Variants in COMT observed in about 807,000 individuals in gnomAD.
The protein encoded by COMT is catechol-O-methyltransferase, also known as catechol O-methyltransferase.
Under a neutral mutation model 18.9 loss-of-function variants are expected in COMT, and 13 were observed. The ratio of observed to expected loss-of-function variants is 0.69; its 90% CI spans 0.45 to 1.09. The LOEUF is 1.09. Among genes scored for constraint, COMT ranks in the 50% least tolerant of loss-of-function variants. The probability of loss-of-function intolerance (pLI) is 0.00; values close to 1 mark genes in which losing one functional copy is unlikely to be tolerated. For missense variants in COMT, 329 were observed against 361.8 expected (o/e 0.91, Z 0.73); for synonymous variants, 150 against 160.9 (o/e 0.93, Z 0.51).
At chr22:19,955,282 G>T (rs1220844433) in intron 1 of COMT, among the ~76,000 whole-genome samples, 1 of 152,110 alleles carries the variant, frequency 6.6e-6, no homozygotes. Context: ...CCTGGCTGCA[G>T]CCTGTGGGGT....
At chr22:19,952,883 G>A (rs963803632) in intron 1 of COMT, among the ~76,000 whole-genome samples, 29 of 151,654 alleles carry the variant, frequency 1.9e-4, no homozygotes, top group South Asian at 1.3e-3. Flanking sequence ...CCCAGGAGGC[G>A]GAGGTTGCAG....
At chr22:19,949,666 G>A (rs1456587117) in intron 1 of COMT, among the ~76,000 whole-genome samples, 1 of 151,596 alleles carries the variant, frequency 6.6e-6, no homozygotes, top group African/African-American at 2.4e-5. Flanking sequence ...GGCACAATCA[G>A]GACTCACTGC....
At chr22:19,959,026 G>T (rs1471278748) in intron 1 of COMT, among the ~76,000 whole-genome samples, 1 of 152,190 alleles carries the variant, frequency 6.6e-6, no homozygotes, top group Non-Finnish European at 1.5e-5. Flanking sequence ...TGTAAGGTAA[G>T]GGGGGACTCT....
chr22:19,948,945 ACT>A, intron 1 of COMT, among the ~76,000 whole-genome samples: 1 of 121,150 alleles, frequency 8.3e-6, no homozygotes, highest in Non-Finnish European at 1.7e-5. Flanking sequence ...ACAGAGCGAG[ACT>A]CTGTCTCAAA....
Position 19,968,441 on chromosome 22 carries a change from TGCCGTG to T in COMT, c.616-91_616-86del, listed in dbSNP as rs1321534160. Reference sequence around the variant, plus strand: ...CCCCAGGGGCTAGGCACAGGCGTGGTGCCGTGGCCTAGTGAGGAGCACCCATCCTGG... The same window carrying T: ...CCCCAGGGGCTAGGCACAGGCGTGGTGCCTAGTGAGGAGCACCCATCCTGG... On this transcript the variant is annotated intron_variant, in intron 5 of 5. Transcript: ENST00000361682. The T allele has an allele frequency of 3.8e-5, 46 of 1,208,064 alleles. 1 individual carries two copies. Among genetic ancestry groups the T allele is most frequent in the South Asian group, 5.2e-5 (4 of 77,570 alleles). The allele number at this position is 1,208,064 out of a possible 1,614,324, so 74.8% of individuals were successfully genotyped here. A position where few individuals can be genotyped will look rare whatever the true frequency, so the allele number is the denominator to read the frequency against.
intron 1 of COMT, among the ~76,000 whole-genome samples, chr22:19,954,546 G>A (rs145133053): frequency 8.7e-4 from 133 of 152,234 alleles, no homozygotes; most frequent in Non-Finnish European, 1.4e-3. Flanking sequence ...TCCACCTCCC[G>A]AGTTCTAGCG....
chr22:19,955,496 A>C (rs1239909124), intron 1 of COMT, among the ~76,000 whole-genome samples: 1 of 152,250 alleles, frequency 6.6e-6, no homozygotes, highest in African/African-American at 2.4e-5. Context: ...TTCTTGCAGC[A>C]GTTCCAGCCT....
At chr22:19,963,042 C>T (rs746902559) in intron 3 of COMT, among the ~76,000 whole-genome samples, 3 of 152,154 alleles carry the variant, frequency 2.0e-5, no homozygotes, top group Non-Finnish European at 4.4e-5. Flanking sequence ...CCCCCACACT[C>T]ACAGGGTCTG....
intron 1 of COMT, among the ~76,000 whole-genome samples, chr22:19,944,207 C>T (rs190541104): frequency 3.0e-4 from 45 of 152,216 alleles, no homozygotes; most frequent in African/African-American, 9.9e-4. Context: ...TAAGGGCTGA[C>T]GTGTAGGAAG....
intron 1 of COMT, among the ~76,000 whole-genome samples, chr22:19,956,806 G>A (rs1039686099): frequency 6.6e-6 from 1 of 152,126 alleles, no homozygotes; most frequent in African/African-American, 2.4e-5. Flanking sequence ...GAACGCCTGG[G>A]CTCAAGTGAT....
chr22:19,968,978 C>A lies in COMT; in HGVS notation c.*242C>A, dbSNP rs1289399792. The A allele has an allele frequency of 4.6e-6, 2 of 430,900 alleles. No homozygotes were observed. The highest frequency in any genetic ancestry group is 4.2e-5 in the East Asian group (1 of 23,812). 26.7% of individuals were successfully genotyped at this position (430,900 alleles called of 1,614,324 possible). ...GCTATATTATCTTATATACTAATAT[C>A]ATGTTTTAAAAATATAAAATAGAAA... On this transcript the variant is annotated 3_prime_UTR_variant, in exon 6 of 6. Coordinates refer to ENST00000361682, the MANE Select transcript of COMT (RefSeq NM_000754.4).
In COMT at chr22:19,968,946, C is replaced by G. The variant is rs145166266; in HGVS notation, c.*210C>G. ...CTCAATCATGACTTCTTTACTAACA[C>G]TGGCTAGCTATATTATCTTATATAC... is the stretch of plus-strand genomic sequence containing the variant. On this transcript the variant is annotated 3_prime_UTR_variant, in exon 6 of 6. Transcript: ENST00000361682. The G allele has an allele frequency of 8.3e-5, 48 of 577,118 alleles. No individual in the cohort carries two copies. The East Asian group carries it at 1.4e-3, about 16-fold the overall frequency. 35.7% of individuals were successfully genotyped at this position (577,118 alleles called of 1,614,324 possible). A position where few individuals can be genotyped will look rare whatever the true frequency, so the allele number is the denominator to read the frequency against.
chr22:19,964,760 C>A (rs534180202), intron 5 of COMT: 88 of 407,096 alleles, frequency 2.2e-4, no homozygotes, highest in Non-Finnish European at 3.8e-4. Context: ...CAACCCAGCC[C>A]CACTGGCGAG....
At chr22:19,967,099 G>A (rs1942441948) in intron 5 of COMT, 37 of 1,250,378 alleles carry the variant, frequency 3.0e-5, no homozygotes, top group Middle Eastern at 2.3e-4. Context: ...GCCCCTGGCA[G>A]CCTCCAAAGG....
intron 2 of COMT, among the ~76,000 whole-genome samples, 153 bp downstream of exon 2, chr22:19,961,442 C>T (rs1314304737): frequency 1.3e-5 from 2 of 152,208 alleles, no homozygotes. Flanking sequence ...TCCGCATGAC[C>T]TCCCCCTAGG....
chr22:19,944,454 G>A (rs1941802263), intron 1 of COMT, among the ~76,000 whole-genome samples: 1 of 152,012 alleles, frequency 6.6e-6, no homozygotes, highest in Admixed American at 6.6e-5. Context: ...CGCTTGAACT[G>A]GGAGGTGGGG....
At chr22:19,944,010 G>A (rs973889084) in intron 1 of COMT, among the ~76,000 whole-genome samples, 14 of 152,130 alleles carry the variant, frequency 9.2e-5, no homozygotes, top group African/African-American at 2.7e-4. Flanking sequence ...CAAGTTTTCC[G>A]GCTTCAGTCT....
intron 5 of COMT, chr22:19,965,479 C>T (rs1042815020): frequency 1.3e-5 from 2 of 152,180 alleles, no homozygotes; most frequent in African/African-American, 2.4e-5. Flanking sequence ...GTAGCTGGGA[C>T]TACAGGCGCG....
chr22:19,959,524 C>T (rs942356745), intron 1 of COMT, among the ~76,000 whole-genome samples: 5 of 142,534 alleles, frequency 3.5e-5, no homozygotes, highest in African/African-American at 1.3e-4. Context: ...GGAGGGTGGG[C>T]GGGGAGGCCC....
Sources: gnomAD v4.1 joint callset for allele counts (sites outside exome capture counted in the v4.1 genomes callset) on GRCh38, gnomAD v4.1.1 for gene constraint, MANE v1.5 for transcripts, NCBI Gene and HGNC (gene_info 2026-07-23, HGNC 2026-07-21) for gene names.